The following CDKAL1 variants were observed in gnomAD, a reference collection of about 807,000 sequenced individuals.
CDKAL1 encodes threonylcarbamoyladenosine tRNA methylthiotransferase.
CDKAL1 carries 32 observed loss-of-function variants against 68.2 expected under a neutral mutation model. That is an observed-to-expected ratio of 0.47 (90% confidence interval 0.35 to 0.63). The LOEUF (loss-of-function observed/expected upper bound fraction) is 0.63. Among genes scored for constraint, CDKAL1 ranks in the 30% least tolerant of loss-of-function variants. CDKAL1 has a pLI of 0.00. For synonymous variants in CDKAL1, 234 were observed against 244.3 expected (o/e 0.96, Z 0.39); for missense variants, 606 against 696.7 (o/e 0.87, Z 1.47).
At chr6:20,859,832 T>C (rs1759520239) in intron 9 of CDKAL1, among the ~76,000 whole-genome samples, 1 of 152,218 alleles carries the variant, frequency 6.6e-6, no homozygotes, top group Non-Finnish European at 1.5e-5. Context: ...ATTCATCCTG[T>C]TGCACTTTCT....
intron 13 of CDKAL1, among the ~76,000 whole-genome samples, chr6:21,160,693 A>G (rs2151063186): frequency 7.0e-6 from 1 of 142,250 alleles, no homozygotes. Context: ...GTCCAAAAAT[A>G]TATATATATG....
intron 8 of CDKAL1, among the ~76,000 whole-genome samples, chr6:20,783,934 G>A (rs1160783420): frequency 6.6e-6 from 1 of 152,140 alleles, no homozygotes; most frequent in Non-Finnish European, 1.5e-5. Flanking sequence ...TGTAGTATTG[G>A]CCGGGCGTGG....
intron 5 of CDKAL1, among the ~76,000 whole-genome samples, chr6:20,686,492 A>G (rs1770630728): frequency 6.6e-6 from 1 of 152,186 alleles, no homozygotes; most frequent in East Asian, 1.9e-4. Flanking sequence ...TCACCCCCAG[A>G]TGGGACCTTG....
At chr6:20,896,368 G>A (rs750705742) in intron 9 of CDKAL1, among the ~76,000 whole-genome samples, 2 of 152,058 alleles carry the variant, frequency 1.3e-5, no homozygotes, top group Non-Finnish European at 2.9e-5. Flanking sequence ...AGAGTGCTGG[G>A]ATTACAGGTG....
At chr6:21,098,905 CA>C (rs1313709560) in intron 12 of CDKAL1, among the ~76,000 whole-genome samples, 1 of 152,074 alleles carries the variant, frequency 6.6e-6, no homozygotes, top group Non-Finnish European at 1.5e-5. Flanking sequence ...AAAAGTGGGA[CA>C]AGCTTTAATG....
chr6:20,815,931 T>C (rs1777024256), intron 8 of CDKAL1, among the ~76,000 whole-genome samples: 1 of 152,136 alleles, frequency 6.6e-6, no homozygotes, highest in African/African-American at 2.4e-5. Context: ...CTCTGGCAGT[T>C]CCAAAGACCA....
At chr6:20,707,740 C>T (rs1381967634) in intron 5 of CDKAL1, among the ~76,000 whole-genome samples, 1 of 152,224 alleles carries the variant, frequency 6.6e-6, no homozygotes, top group African/African-American at 2.4e-5. Context: ...TTTCAAATTG[C>T]ATTAATTGTG....
At chr6:20,554,797 T>C (rs948926130) in intron 4 of CDKAL1, among the ~76,000 whole-genome samples, 7 of 152,208 alleles carry the variant, frequency 4.6e-5, no homozygotes, top group African/African-American at 1.7e-4. Flanking sequence ...AGCTGTGTTA[T>C]GTTTAGTTTG....
chr6:20,610,365 A>G (rs1766564402), intron 4 of CDKAL1, among the ~76,000 whole-genome samples: 1 of 152,242 alleles, frequency 6.6e-6, no homozygotes, highest in South Asian at 2.1e-4. Flanking sequence ...ACAGTATTCC[A>G]TAGTGGCTGA....
intron 15 of CDKAL1, among the ~76,000 whole-genome samples, chr6:21,206,001 A>ATTTT (rs199926964): frequency 3.9e-4 from 54 of 139,780 alleles, no homozygotes; most frequent in Non-Finnish European, 7.9e-4. Flanking sequence ...CGCCCGGCTA[A>ATTTT]TTTTTTTTTT....
chr6:20,542,677 C>T (rs948326056), intron 2 of CDKAL1, among the ~76,000 whole-genome samples: 4 of 152,132 alleles, frequency 2.6e-5, no homozygotes, highest in Non-Finnish European at 1.5e-5. Flanking sequence ...ACCCAGGTCT[C>T]CCGTTGGTAA....
intron 8 of CDKAL1, among the ~76,000 whole-genome samples, chr6:20,823,433 A>G (rs987464094): frequency 2.0e-5 from 3 of 152,200 alleles, no homozygotes; most frequent in Admixed American, 1.3e-4. Flanking sequence ...GATGCATTTT[A>G]ATATTTGCTA....
At chr6:21,220,136 A>T (rs1779482742) in intron 15 of CDKAL1, among the ~76,000 whole-genome samples, 1 of 152,172 alleles carries the variant, frequency 6.6e-6, no homozygotes, top group Admixed American at 6.5e-5. Context: ...TGTTGGGATT[A>T]CAGGCTTCAT....
chr6:20,836,685 A>T (rs540940335), intron 8 of CDKAL1, among the ~76,000 whole-genome samples: 3 of 152,258 alleles, frequency 2.0e-5, no homozygotes, highest in Admixed American at 2.0e-4. Flanking sequence ...TTATAAAGGA[A>T]TATACATTCC....
intron 4 of CDKAL1, among the ~76,000 whole-genome samples, chr6:20,592,754 G>A (rs776561199): frequency 3.3e-5 from 5 of 151,904 alleles, no homozygotes; most frequent in Non-Finnish European, 5.9e-5. Flanking sequence ...GGTGTGAGCC[G>A]CTGTGTTTGG....
At chr6:20,784,021 T>C (rs1430895044) in intron 8 of CDKAL1, among the ~76,000 whole-genome samples, 1 of 152,096 alleles carries the variant, frequency 6.6e-6, no homozygotes, top group African/African-American at 2.4e-5. Context: ...GAGACCATCC[T>C]GGCCAACAAG....
intron 5 of CDKAL1, among the ~76,000 whole-genome samples, chr6:20,684,712 G>A (rs1315053851): frequency 1.5e-5 from 2 of 135,194 alleles, no homozygotes; most frequent in Non-Finnish European, 2.9e-5. Flanking sequence ...TTTGGCCATT[G>A]TAAGAGGTTC....
chr6:21,187,162 T>C (rs935650658), intron 13 of CDKAL1, among the ~76,000 whole-genome samples: 2 of 152,200 alleles, frequency 1.3e-5, no homozygotes, highest in African/African-American at 2.4e-5. Context: ...TGGCCACATA[T>C]GGCTAGGACT....
At chr6:20,669,495 T>C (rs1466228119) in intron 5 of CDKAL1, among the ~76,000 whole-genome samples, 1 of 152,188 alleles carries the variant, frequency 6.6e-6, no homozygotes, top group East Asian at 1.9e-4. Flanking sequence ...CTCCTTTATC[T>C]TTTTGTTGTT....
Sources: allele counts gnomAD v4.1 joint callset (sites outside exome capture counted in the v4.1 genomes callset), GRCh38; gene constraint gnomAD v4.1.1; transcripts MANE v1.5; gene names NCBI Gene and HGNC (gene_info 2026-07-23, HGNC 2026-07-21).